The following RGS6 variants were observed in gnomAD, a reference collection of about 807,000 sequenced individuals.
The protein encoded by RGS6 is regulator of G protein signaling 6.
RGS6 carries 30 observed loss-of-function variants against 78.5 expected under a neutral mutation model. The ratio of observed to expected loss-of-function variants is 0.38; its 90% CI spans 0.29 to 0.52. The LOEUF is 0.52. RGS6 is among the 20% of genes least tolerant of loss of function. The probability of loss-of-function intolerance (pLI) is 0.85; values close to 1 mark genes in which losing one functional copy is unlikely to be tolerated. For synonymous variants in RGS6, 206 were observed against 206.0 expected, an observed-to-expected ratio of 1.00 and a Z score of 0.00; for missense variants, 495 against 609.7, an observed-to-expected ratio of 0.81 and a Z score of 1.98.
intron 2 of RGS6, among the ~76,000 whole-genome samples, chr14:71,979,249 G>A (rs928794528): frequency 3.1e-4 from 46 of 149,084 alleles, no homozygotes; most frequent in Non-Finnish European, 4.9e-4. Context: ...AGGGTTTTTT[G>A]TGTCTCTATT....
chr14:72,090,588 C>T (rs1013568034), intron 2 of RGS6, among the ~76,000 whole-genome samples: 23 of 152,274 alleles, frequency 1.5e-4, no homozygotes, highest in African/African-American at 2.4e-4. Flanking sequence ...TGGTCTCTCC[C>T]GACTCCCCAC....
At chr14:71,955,506 G>A (rs2092715171) in intron 1 of RGS6, among the ~76,000 whole-genome samples, 2 of 152,150 alleles carry the variant, frequency 1.3e-5, no homozygotes, top group Admixed American at 1.3e-4. Context: ...GCTTCTGGTT[G>A]CCCATTTTTA....
the RGS6 span, among the ~76,000 whole-genome samples, chr14:72,617,877 T>G: frequency 6.6e-6 from 1 of 152,090 alleles, no homozygotes; most frequent in Non-Finnish European, 1.5e-5. Context: ...AAGCCAAGCA[T>G]GCGCGAGGGT....
At chr14:72,600,746 G>C in the RGS6 span, among the ~76,000 whole-genome samples, 1 of 152,082 alleles carries the variant, frequency 6.6e-6, no homozygotes, top group Admixed American at 6.5e-5. Context: ...CATTCCCTGG[G>C]CCGGAGACAC....
chr14:72,081,463 T>C (rs1372858099), intron 2 of RGS6, among the ~76,000 whole-genome samples: 1 of 152,118 alleles, frequency 6.6e-6, no homozygotes, highest in African/African-American at 2.4e-5. Flanking sequence ...TAAATTATCT[T>C]TTCCTCCTCA....
intron 3 of RGS6, among the ~76,000 whole-genome samples, chr14:72,422,316 G>A (rs990166740): frequency 6.6e-6 from 1 of 151,990 alleles, no homozygotes; most frequent in East Asian, 1.9e-4. Context: ...TACTTAGAAC[G>A]GCAATATGAG....
intron 15 of RGS6, among the ~76,000 whole-genome samples, chr14:72,526,366 GAGTGCTGGGATTA>G (rs2097120996): frequency 6.6e-6 from 1 of 152,076 alleles, no homozygotes; most frequent in Non-Finnish European, 1.5e-5. Flanking sequence ...TGGCCTCCCA[GAGTGCTGGGATTA>G]CAGGCATGAG....
chr14:72,385,352 G>T (rs1300705631), intron 3 of RGS6, among the ~76,000 whole-genome samples: 2 of 152,156 alleles, frequency 1.3e-5, no homozygotes, highest in African/African-American at 2.4e-5. Context: ...ACACAAGGAA[G>T]AAAAGTTTTT....
At chr14:72,259,933 C>CAAAAAAAAAAAAAAAAAAA in intron 2 of RGS6, among the ~76,000 whole-genome samples, 1 of 114,096 alleles carries the variant, frequency 8.8e-6, no homozygotes, top group Non-Finnish European at 1.8e-5. Flanking sequence ...AAAAAAAAAG[C>CAAAAAAAAAAAAAAAAAAA]TTAATGAACG....
rs138929432 is a variant in RGS6 at position 72,424,723 on chromosome 14, A to G, written c.185-29805A>G. On this transcript the variant is annotated intron_variant, in intron 3 of 17. Transcript: ENST00000553525. ...TGCATTCACGGATATTTGCATTAGTATTTTCTGGACATCATCTTGTTTATA... is the reference window on the plus strand; with the variant it reads ...TGCATTCACGGATATTTGCATTAGTGTTTTCTGGACATCATCTTGTTTATA... 1.2e-4 allele frequency among the ~76,000 whole-genome samples: 19 copies of G among 152,308 alleles called. No individual in the cohort carries two copies. In the East Asian group the frequency reaches 3.5e-3, roughly 28 times the overall value.
intron 3 of RGS6, among the ~76,000 whole-genome samples, chr14:72,380,608 A>C (rs1174464133): frequency 2.6e-5 from 4 of 152,194 alleles, no homozygotes; most frequent in Non-Finnish European, 5.9e-5. Context: ...AATGCCAATC[A>C]AAACCACAAT....
intron 17 of RGS6, among the ~76,000 whole-genome samples, chr14:72,541,798 G>A (rs2097331407): frequency 6.6e-6 from 1 of 152,244 alleles, no homozygotes; most frequent in South Asian, 2.1e-4. Flanking sequence ...GGGAAGCCTG[G>A]TACTTGGACA....
At chr14:72,093,331 T>C (rs1478356536) in intron 2 of RGS6, among the ~76,000 whole-genome samples, 7 of 152,078 alleles carry the variant, frequency 4.6e-5, no homozygotes, top group African/African-American at 9.7e-5. Flanking sequence ...AGCCTCTACC[T>C]CCCCGGGCTC....
intron 2 of RGS6, among the ~76,000 whole-genome samples, chr14:72,100,111 G>A (rs899333371): frequency 6.6e-6 from 1 of 152,106 alleles, no homozygotes; most frequent in African/African-American, 2.4e-5. Flanking sequence ...GTGAAGAGAG[G>A]GGTAGGTTTG....
chr14:72,562,503 G>C lies in RGS6; in HGVS notation c.*36G>C. 1 of 1,609,554 alleles carries C rather than the reference G, an allele frequency of 6.2e-7. No individual in the cohort carries two copies. The highest frequency in any genetic ancestry group is 1.1e-5 in the South Asian group (1 of 91,040). On this transcript the variant is annotated 3_prime_UTR_variant, in exon 18 of 18. Transcript: ENST00000553525. ...CGCAGGTCCAGGGCCTGGGCCCGCG[G>C]ACCCCACAGGCAGGCGGCGGCGCTC...
rs145565896 is a variant in RGS6, at chr14:72,103,728, C to T, written c.84+138853C>T. On this transcript the variant is annotated intron_variant, in intron 2 of 17. Transcript: ENST00000553525. ...GTTCCCACAGTGGAGACAGGGCTCC[C>T]GGAAGTATGCTGGAAGCATGCAAGG... Among the ~76,000 whole-genome samples the T allele has an allele frequency of 7.1e-3, 1,084 of 152,290 alleles. 39 individuals are homozygous for T. Among genetic ancestry groups the T allele is most frequent in the Admixed American group, 0.062 (947 of 15,294 alleles).
intron 2 of RGS6, among the ~76,000 whole-genome samples, chr14:72,014,699 G>A (rs1049324540): frequency 2.0e-5 from 3 of 151,850 alleles, no homozygotes; most frequent in South Asian, 4.1e-4. Flanking sequence ...AGATAGGCAC[G>A]TTCCCAGCAT....
intron 2 of RGS6, among the ~76,000 whole-genome samples, chr14:72,308,764 A>AG (rs1433397054): frequency 2.0e-5 from 3 of 152,212 alleles, no homozygotes; most frequent in Admixed American, 1.3e-4. Context: ...ACTAGCCAAA[A>AG]GGGGGTGCAA....
At chr14:72,590,624 C>T in the RGS6 span, among the ~76,000 whole-genome samples, 22 of 152,220 alleles carry the variant, frequency 1.4e-4, no homozygotes, top group Admixed American at 3.3e-4. Flanking sequence ...GCCAAAATAA[C>T]TGTAGAGTTG....
Sources: allele counts gnomAD v4.1 joint callset (sites outside exome capture counted in the v4.1 genomes callset), GRCh38; gene constraint gnomAD v4.1.1; transcripts MANE v1.5; gene names NCBI Gene and HGNC (gene_info 2026-07-23, HGNC 2026-07-21).